SERAC1: variants seen among roughly 807,000 people sequenced by gnomAD.
SERAC1 encodes the protein serine active site containing 1.
SERAC1 carries 36 observed loss-of-function variants against 85.7 expected under a neutral mutation model. The ratio of observed to expected loss-of-function variants is 0.42; its 90% CI spans 0.32 to 0.55. The LOEUF (loss-of-function observed/expected upper bound fraction) is 0.55, where lower values mean the gene tolerates loss of function less well. SERAC1 is among the 20% of genes least tolerant of loss of function. The probability of loss-of-function intolerance (pLI) is 0.11; values close to 1 mark genes in which losing one functional copy is unlikely to be tolerated. For missense variants in SERAC1, 629 were observed against 796.2 expected (o/e 0.79, Z 2.53); for synonymous variants, 242 against 265.3 (o/e 0.91, Z 0.85).
chr6:158,127,351 C>G (rs1308959415), intron 10 of SERAC1, among the ~76,000 whole-genome samples: 2 of 11,138 alleles, frequency 1.8e-4, no homozygotes, highest in Non-Finnish European at 3.7e-4. Flanking sequence ...CCCGGCCAGC[C>G]GCCCCGTCCG....
chr6:158,133,242 T>C (rs905760008), intron 8 of SERAC1, among the ~76,000 whole-genome samples: 8 of 149,724 alleles, frequency 5.3e-5, no homozygotes, highest in African/African-American at 1.7e-4. Context: ...AAGGCTGCAG[T>C]AAGCCATGAT....
At chr6:158,141,135 T>C (rs1784905757) in intron 8 of SERAC1, among the ~76,000 whole-genome samples, 1 of 152,242 alleles carries the variant, frequency 6.6e-6, no homozygotes, top group Non-Finnish European at 1.5e-5. Flanking sequence ...AGCACTGATA[T>C]GCCACAGTGT....
intron 9 of SERAC1, among the ~76,000 whole-genome samples, chr6:158,129,707 T>G (rs556870800): frequency 5.3e-4 from 81 of 151,772 alleles, no homozygotes; most frequent in Middle Eastern, 3.4e-3. Flanking sequence ...TTTTGTTTTT[T>G]TTTTTTTGAG....
intron 2 of SERAC1, among the ~76,000 whole-genome samples, chr6:158,157,051 C>T (rs1054804847): frequency 1.1e-4 from 16 of 149,686 alleles, no homozygotes; most frequent in African/African-American, 3.7e-4. Context: ...GGCTGGAGTG[C>T]AATGACACAA....
At chr6:158,163,556 G>A (rs1719008872) in intron 1 of SERAC1, among the ~76,000 whole-genome samples, 1 of 152,128 alleles carries the variant, frequency 6.6e-6, no homozygotes, top group Admixed American at 6.6e-5. Context: ...GAGGCAGGAG[G>A]ACTGCTGGAG....
rs575658115 is a variant in SERAC1, at chr6:158,150,146, T to C, written c.265+307A>G. ...GAGCTAAATTACAAAATCATGTTTT[T>C]TGTACTTGCCAAACTGAGAGCCAGC... On this transcript the variant is annotated intron_variant, in intron 4 of 16. Coordinates refer to ENST00000647468, the MANE Select transcript of SERAC1 (RefSeq NM_032861.4). Among the ~76,000 whole-genome samples, 7 of 152,368 alleles carry C rather than the reference T, an allele frequency of 4.6e-5. No individual in the cohort carries two copies. In the East Asian group the frequency reaches 1.3e-3, roughly 29 times the overall value.
At chr6:158,148,833 T>C (rs746304026) in intron 5 of SERAC1, 32 bp downstream of exon 5, 6 of 1,437,884 alleles carry the variant, frequency 4.2e-6, no homozygotes, top group East Asian at 2.3e-5. Context: ...AGATTACTGA[T>C]AAGGATTCCA....
chr6:158,114,935 G>A lies in SERAC1; in HGVS notation c.1538C>T (p.Thr513Met), dbSNP rs143065058. Residue 513 changes from threonine (T) to methionine (M), a missense_variant, in exon 15 of 17, where the codon ACG becomes ATG. By Grantham distance (81) the Thr-to-Met change is moderately conservative. Transcript: ENST00000647468. Reference sequence around the variant, plus strand: ...GATAACAGTACTCATTTCTGGCTTCGTAGAGGCTTCCAACAGCATCTTTTT... The same window carrying A: ...GATAACAGTACTCATTTCTGGCTTCATAGAGGCTTCCAACAGCATCTTTTT... ...LVKKMLLEAS[T>M]KPEMSTVINN... The A allele has an allele frequency of 1.4e-4, 230 of 1,613,256 alleles. No individual in the cohort carries two copies. Among genetic ancestry groups the A allele is most frequent in the Non-Finnish European group, 1.7e-4 (197 of 1,179,694 alleles).
Position 158,143,323 on chromosome 6 carries a change from C to T in SERAC1, c.610-139G>A, listed in dbSNP as rs963297971. On this transcript the variant is annotated intron_variant, in intron 7 of 16. Transcript: ENST00000647468. ...TGTGCATGTCTCTCTCTCTCTCTCTCTCTCTCTCTCTCTCTCTCTCTCTCT... is the reference window on the plus strand; with the variant it reads ...TGTGCATGTCTCTCTCTCTCTCTCTTTCTCTCTCTCTCTCTCTCTCTCTCT... The T allele has an allele frequency of 5.4e-5, 12 of 221,842 alleles. No homozygotes were observed. The African/African-American group carries it at 1.0e-3, about 19-fold the overall frequency. 13.7% of individuals were successfully genotyped at this position (221,842 alleles called of 1,614,324 possible).
rs773415615 is a variant in SERAC1 at position 158,130,499 on chromosome 6, T to C, written c.739-13A>G. On this transcript the variant is annotated splice_polypyrimidine_tract_variant and intron_variant, in intron 8 of 16. Transcript: ENST00000647468. ...ACCATAAACCACCCTGAAATTAAAA[T>C]AATTAAAATTTTTACTGAAAAAAAG... 2.0e-5 allele frequency: 30 copies of C among 1,488,054 alleles called. No homozygotes were observed. In the Middle Eastern group the frequency reaches 1.6e-3, roughly 79 times the overall value. The allele number at this position is 1,488,054 out of a possible 1,614,324, so 92.2% of individuals were successfully genotyped here.
intron 10 of SERAC1, among the ~76,000 whole-genome samples, chr6:158,127,402 G>C (rs1294708168): frequency 6.1e-5 from 3 of 48,950 alleles, no homozygotes; most frequent in Non-Finnish European, 8.7e-5. Flanking sequence ...CCGGCCAGCC[G>C]CCCCGTCCGG....
Position 158,136,010 on chromosome 6 carries a change from CTG to C in SERAC1, c.739-5526_739-5525del, listed in dbSNP as rs545655564. ...TATTTTTAGTAGAGATGGGGTTTCA[CTG>C]TGTTAGCCAGCATGGTCTCAATCTC... On this transcript the variant is annotated intron_variant, in intron 8 of 16. Transcript: ENST00000647468. 2.1e-4 allele frequency among the ~76,000 whole-genome samples: 32 copies of C among 152,278 alleles called. 2 individuals carry two copies. The East Asian group carries it at 6.2e-3, about 29-fold the overall frequency.
chr6:158,151,803 C>T (rs1037413348), intron 3 of SERAC1, among the ~76,000 whole-genome samples: 5 of 151,494 alleles, frequency 3.3e-5, no homozygotes, highest in East Asian at 1.9e-4. Flanking sequence ...AGCTATACAA[C>T]GTGTTTGTGT....
At position 158,110,632 on chromosome 6, in the gene SERAC1, C is replaced by T. The variant is rs112136556; in HGVS notation, c.*734G>A. On this transcript the variant is annotated 3_prime_UTR_variant, in exon 17 of 17. Transcript: ENST00000647468. Reference sequence around the variant, plus strand: ...TAAGAATTGCTAATTCATATAATGGCTTAGAATAGTTTTACTTCATACTGT... The same window carrying T: ...TAAGAATTGCTAATTCATATAATGGTTTAGAATAGTTTTACTTCATACTGT... 46 of 152,250 alleles carry T rather than the reference C, an allele frequency of 3.0e-4. No individual in the cohort carries two copies. Among genetic ancestry groups the T allele is most frequent in the African/African-American group, 1.0e-3 (43 of 41,560 alleles). The allele number at this position is 152,250 out of a possible 1,614,324, so 9.4% of individuals were successfully genotyped here.
intron 10 of SERAC1, among the ~76,000 whole-genome samples, chr6:158,126,223 A>G (rs1784537345): frequency 6.6e-6 from 1 of 152,224 alleles, no homozygotes; most frequent in Non-Finnish European, 1.5e-5. Context: ...CCTATCATTT[A>G]GACCTTGGTC....
chr6:158,151,738 T>C lies in SERAC1; in HGVS notation c.129-1149A>G, dbSNP rs148151913. On this transcript the variant is annotated intron_variant, in intron 3 of 16. Transcript: ENST00000647468. ...CCGCGCCCGGCCTCGAAAATATTTTTTAACAGACAAAAGTTTATAGAATAA... is the reference window on the plus strand; with the variant it reads ...CCGCGCCCGGCCTCGAAAATATTTTCTAACAGACAAAAGTTTATAGAATAA... 3.9e-3 allele frequency among the ~76,000 whole-genome samples: 593 copies of C among 152,314 alleles called. 6 individuals carry two copies. The highest frequency in any genetic ancestry group is 0.014 in the African/African-American group (568 of 41,564).
At chr6:158,143,347 CTATATATATATATATA>C (rs753604114) in intron 7 of SERAC1, among the ~76,000 whole-genome samples, 163 bp from the exon 8 acceptor site, 22 of 46,366 alleles carry the variant, frequency 4.7e-4, no homozygotes, top group Non-Finnish European at 7.6e-4. Context: ...CTCTCTCTCT[CTATATATATATATATA>C]TATATATATA....
chr6:158,158,465 A>T, intron 1 of SERAC1, 101 bp from the exon 2 acceptor site: 1 of 805,676 alleles, frequency 1.2e-6, no homozygotes, highest in Non-Finnish European at 1.9e-6. Context: ...GATGACCCAC[A>T]GAGTTAGCTT....
At chr6:158,150,075 T>C (rs1246639639) in intron 4 of SERAC1, among the ~76,000 whole-genome samples, 1 of 152,230 alleles carries the variant, frequency 6.6e-6, no homozygotes, top group African/African-American at 2.4e-5. Flanking sequence ...ATATATCTCA[T>C]GAGTTTGGTT....
Sources: allele counts gnomAD v4.1 joint callset (sites outside exome capture counted in the v4.1 genomes callset), GRCh38; gene constraint gnomAD v4.1.1; transcripts MANE v1.5; gene names NCBI Gene and HGNC (gene_info 2026-07-23, HGNC 2026-07-21).